The following GRM7 variants were observed in gnomAD, a reference collection of about 807,000 sequenced individuals.
GRM7 encodes metabotropic glutamate receptor 7.
GRM7 carries 35 observed loss-of-function variants against 84.5 expected under a neutral mutation model. That is an observed-to-expected ratio of 0.41 (90% CI 0.32 to 0.55). The LOEUF is 0.55. Ranked by LOEUF, GRM7 falls within the 20% of genes least tolerant of loss-of-function variation. The probability of loss-of-function intolerance (pLI) is 0.19; values close to 1 mark genes in which losing one functional copy is unlikely to be tolerated. For synonymous variants in GRM7, 487 were observed against 455.1 expected, an observed-to-expected ratio of 1.07 and a Z score of -0.89; for missense variants, 1,003 against 1,194.6, an observed-to-expected ratio of 0.84 and a Z score of 2.36.
rs370157708 is a variant in GRM7, at chr3:7,357,273, G to A, written c.1033+50621G>A. 1.6e-4 allele frequency among the ~76,000 whole-genome samples: 24 copies of A among 151,730 alleles called. 1 individual carries two copies. In the East Asian group the frequency reaches 2.5e-3, roughly 16 times the overall value. On this transcript the variant is annotated intron_variant, in intron 4 of 9. Transcript: ENST00000357716. The stretch of plus-strand genomic sequence containing the variant: ...ATTTTTTTTGCTCGTGACCTTAAAG[G>A]ATATACAAGGAAAAGCAGCTTGTAA...
intron 1 of GRM7, among the ~76,000 whole-genome samples, chr3:7,059,038 C>T (rs541174143): frequency 1.3e-4 from 20 of 151,926 alleles, no homozygotes; most frequent in Middle Eastern, 3.4e-3. Flanking sequence ...TCCTTATTAA[C>T]GCTAGCAGAT....
chr3:7,525,390 A>G (rs1263302548), intron 7 of GRM7, among the ~76,000 whole-genome samples: 1 of 151,898 alleles, frequency 6.6e-6, no homozygotes, highest in Non-Finnish European at 1.5e-5. Context: ...TAGGAAACTG[A>G]TTTGTTTTTG....
In GRM7 at chr3:6,912,360, C is replaced by A. The variant is rs558910323; in HGVS notation, c.519+50453C>A. On this transcript the variant is annotated intron_variant, in intron 1 of 9. Coordinates refer to ENST00000357716, the MANE Select transcript of GRM7 (RefSeq NM_000844.4). ...TTAAACTTCATTTGGCTATGCAAAC[C>A]TTTGTTGGTGGAACGTTTTAAAGGA... Among the ~76,000 whole-genome samples, 7 of 152,202 alleles carry A rather than the reference C, an allele frequency of 4.6e-5. No individual in the cohort carries two copies. The South Asian group carries it at 1.5e-3, about 32-fold the overall frequency.
intron 5 of GRM7, among the ~76,000 whole-genome samples, chr3:7,451,308 G>A (rs1002787015): frequency 5.3e-5 from 8 of 152,106 alleles, no homozygotes; most frequent in African/African-American, 1.9e-4. Context: ...AAATGTCTTG[G>A]ACACCTGGTA....
intron 1 of GRM7, among the ~76,000 whole-genome samples, chr3:6,995,454 T>C (rs960484867): frequency 6.6e-6 from 1 of 152,220 alleles, no homozygotes; most frequent in Non-Finnish European, 1.5e-5. Flanking sequence ...CTCTGAGGTG[T>C]TGAGGTTGTT....
chr3:7,452,527 T>G lies in GRM7; in HGVS notation c.1175-80T>G, dbSNP rs547700677. On this transcript the variant is annotated intron_variant, in intron 5 of 9. Transcript: ENST00000357716. ...CTTTAAGCATAATTGAAAGTTTACTTTTAAATTTGGACATTCTACTCAATG... is the reference window on the plus strand; with the variant it reads ...CTTTAAGCATAATTGAAAGTTTACTGTTAAATTTGGACATTCTACTCAATG... The G allele has an allele frequency of 1.3e-5, 13 of 973,532 alleles. No individual in the cohort carries two copies. In the East Asian group the frequency reaches 2.7e-4, roughly 20 times the overall value. 60.3% of individuals were successfully genotyped at this position (973,532 alleles called of 1,614,324 possible). A position where few individuals can be genotyped will look rare whatever the true frequency, so the allele number is the denominator to read the frequency against.
In GRM7 at chr3:7,463,548, G is replaced by C. The variant is rs547026254; in HGVS notation, c.1515+1826G>C. On this transcript the variant is annotated intron_variant, in intron 7 of 9. Coordinates refer to ENST00000357716, the MANE Select transcript of GRM7 (RefSeq NM_000844.4). Reference sequence around the variant, plus strand: ...GTGGTCCCTGTTCTTTCACAATTCAGCATCTAGGATGGAGTTACATGGTAC... The same window carrying C: ...GTGGTCCCTGTTCTTTCACAATTCACCATCTAGGATGGAGTTACATGGTAC... 3.3e-5 allele frequency among the ~76,000 whole-genome samples: 5 copies of C among 152,216 alleles called. No individual in the cohort carries two copies. The South Asian group carries it at 1.0e-3, about 32-fold the overall frequency.
intron 1 of GRM7, among the ~76,000 whole-genome samples, chr3:6,924,057 C>G (rs1697218583): frequency 6.6e-6 from 1 of 152,138 alleles, no homozygotes; most frequent in Admixed American, 6.5e-5. Flanking sequence ...GCAATGTGTA[C>G]CTCACTTGTT....
intron 8 of GRM7, among the ~76,000 whole-genome samples, chr3:7,635,630 C>T (rs571752136): frequency 2.0e-5 from 3 of 152,272 alleles, no homozygotes; most frequent in Middle Eastern, 3.4e-3. Context: ...AGTCCTCTAT[C>T]GAACACTTCT....
intron 2 of GRM7, among the ~76,000 whole-genome samples, chr3:7,244,954 C>G (rs948683369): frequency 6.6e-6 from 1 of 151,842 alleles, no homozygotes; most frequent in African/African-American, 2.4e-5. Flanking sequence ...TTAAGGGACA[C>G]AAATTTCAGT....
intron 5 of GRM7, among the ~76,000 whole-genome samples, chr3:7,431,565 G>A (rs931207887): frequency 6.6e-6 from 1 of 152,144 alleles, no homozygotes; most frequent in Non-Finnish European, 1.5e-5. Flanking sequence ...GCTGGAGTTC[G>A]GTAACTTGAC....
At chr3:7,347,393 T>A (rs1049447855) in intron 4 of GRM7, among the ~76,000 whole-genome samples, 4 of 152,200 alleles carry the variant, frequency 2.6e-5, no homozygotes, top group South Asian at 4.1e-4. Context: ...ACTTTCCGAA[T>A]GCTTTAGTTC....
In GRM7 at chr3:7,495,024, A is replaced by C. The variant is rs572750466; in HGVS notation, c.1515+33302A>C. Among the ~76,000 whole-genome samples, 15 of 152,134 alleles carry C rather than the reference A, an allele frequency of 9.9e-5. No individual in the cohort carries two copies. The South Asian group carries it at 2.1e-3, about 21-fold the overall frequency. ...AGGTGATTTTCACTTGCATCCTTGA[A>C]ATTTTATTTATTGTGTTAGGAGGCA... On this transcript the variant is annotated intron_variant, in intron 7 of 9. Coordinates refer to ENST00000357716, the MANE Select transcript of GRM7 (RefSeq NM_000844.4).
intron 1 of GRM7, among the ~76,000 whole-genome samples, chr3:6,925,156 T>C (rs1267699063): frequency 2.0e-5 from 3 of 152,170 alleles, no homozygotes; most frequent in Non-Finnish European, 2.9e-5. Flanking sequence ...TATAATCATG[T>C]GTATTTCTTC....
At chr3:7,263,232 T>C (rs1698504685) in intron 2 of GRM7, among the ~76,000 whole-genome samples, 1 of 152,146 alleles carries the variant, frequency 6.6e-6, no homozygotes, top group Non-Finnish European at 1.5e-5. Context: ...GTTCTTACTC[T>C]GGGGGACTGG....
intron 7 of GRM7, among the ~76,000 whole-genome samples, chr3:7,532,060 G>C (rs959625191): frequency 6.6e-6 from 1 of 152,094 alleles, no homozygotes; most frequent in Non-Finnish European, 1.5e-5. Context: ...TGTTCATCAG[G>C]GATATTGGCC....
At chr3:7,200,000 C>T (rs2125112687) in intron 2 of GRM7, among the ~76,000 whole-genome samples, 1 of 152,312 alleles carries the variant, frequency 6.6e-6, no homozygotes. Context: ...GTGCATAGTG[C>T]TGCACCTGGT....
intron 1 of GRM7, among the ~76,000 whole-genome samples, chr3:6,894,616 A>G (rs1315227645): frequency 6.6e-6 from 1 of 152,128 alleles, no homozygotes; most frequent in Non-Finnish European, 1.5e-5. Context: ...TATATATTGC[A>G]TACACACATG....
chr3:7,459,730 T>A (rs185343299), intron 6 of GRM7, among the ~76,000 whole-genome samples: 2 of 152,230 alleles, frequency 1.3e-5, no homozygotes, highest in African/African-American at 4.8e-5. Context: ...TTATGGGAGC[T>A]ACAATTCAAG....
Sources: allele counts gnomAD v4.1 joint callset (sites outside exome capture counted in the v4.1 genomes callset), GRCh38; gene constraint gnomAD v4.1.1; transcripts MANE v1.5; gene names NCBI Gene and HGNC (gene_info 2026-07-23, HGNC 2026-07-21).